Variants in UQCRC2 observed in about 807,000 individuals in gnomAD.
UQCRC2 encodes cytochrome b-c1 complex subunit 2, mitochondrial.
A neutral mutation model predicts 55.6 loss-of-function variants in UQCRC2; 49 were observed. The ratio of observed to expected loss-of-function variants is 0.88; its 90% CI spans 0.70 to 1.12. The LOEUF (loss-of-function observed/expected upper bound fraction) is 1.12. UQCRC2 is among the 50% of genes most tolerant of loss of function. The probability of loss-of-function intolerance (pLI) is 0.00; values close to 1 mark genes in which losing one functional copy is unlikely to be tolerated. For synonymous variants in UQCRC2, 193 were observed against 192.0 expected, an observed-to-expected ratio of 1.01 and a Z score of -0.04; for missense variants, 506 against 547.8, an observed-to-expected ratio of 0.92 and a Z score of 0.76.
At chr16:21,957,112 G>A in intron 1 of UQCRC2, 123 bp from the exon 2 acceptor site, 4 of 773,960 alleles carry the variant, frequency 5.2e-6, no homozygotes, top group Non-Finnish European at 8.2e-6. Context: ...CTCCCATGGA[G>A]GTGGTTATTG....
At chr16:21,973,543 G>A (rs1020755014) in intron 10 of UQCRC2, among the ~76,000 whole-genome samples, 1 of 152,184 alleles carries the variant, frequency 6.6e-6, no homozygotes, top group Non-Finnish European at 1.5e-5. Flanking sequence ...ACAGCAGAGA[G>A]AAGAAACCTG....
At chr16:21,955,597 C>T (rs748519690) in intron 1 of UQCRC2, among the ~76,000 whole-genome samples, 14 of 152,186 alleles carry the variant, frequency 9.2e-5, no homozygotes, top group Non-Finnish European at 2.1e-4. Flanking sequence ...GGTCCATTAT[C>T]TAATATTTAA....
chr16:21,976,636 T>C (rs563853762), intron 12 of UQCRC2: 2 of 162,574 alleles, frequency 1.2e-5, no homozygotes, highest in South Asian at 1.7e-4. Flanking sequence ...TACACTGGGG[T>C]TACGTCCTGA....
intron 3 of UQCRC2, among the ~76,000 whole-genome samples, chr16:21,957,817 C>T (rs912714836): frequency 6.6e-6 from 1 of 152,210 alleles, no homozygotes; most frequent in Admixed American, 6.5e-5. Context: ...TCTAGGAAGG[C>T]ACAAATCCTC....
intron 4 of UQCRC2, among the ~76,000 whole-genome samples, chr16:21,961,628 AT>A: frequency 3.5e-5 from 1 of 28,640 alleles, no homozygotes; most frequent in South Asian, 1.9e-3. Flanking sequence ...CATAAAATTT[AT>A]ATATATATAT....
At chr16:21,962,222 G>T (rs1036375902) in intron 4 of UQCRC2, 4 of 527,788 alleles carry the variant, frequency 7.6e-6, no homozygotes, top group Admixed American at 3.1e-5. Flanking sequence ...TGTCCTCAGG[G>T]TTCATCTGTG....
In UQCRC2 at chr16:21,962,825, G is replaced by GCTGA; in HGVS notation, c.456_459dup (p.Leu154Ter). 6.2e-7 allele frequency: 1 copy of GCTGA among 1,614,138 alleles called. No individual in the cohort carries two copies. The highest frequency in any genetic ancestry group is 8.5e-7 in the Non-Finnish European group (1 of 1,180,026). On this transcript the variant is annotated frameshift_variant, in exon 6 of 14. Transcript: ENST00000268379. LOFTEE classifies it high-confidence loss of function. ...ACCAGAATTTCGTCGTTGGGAAGTAGCTGACCTTCAGCCTCAGCTAAAGAT... is the reference window on the plus strand; with the variant it reads ...ACCAGAATTTCGTCGTTGGGAAGTAGCTGACTGACCTTCAGCCTCAGCTAAAGAT...
chr16:21,976,038 C>T, intron 11 of UQCRC2, 129 bp from the exon 12 acceptor site: 1 of 610,102 alleles, frequency 1.6e-6, no homozygotes. Context: ...CAGCATTCCG[C>T]ATGGACACTG....
At chr16:21,976,029 A>G in intron 11 of UQCRC2, 138 bp from the exon 12 acceptor site, 1 of 572,536 alleles carries the variant, frequency 1.7e-6, no homozygotes, top group Non-Finnish European at 3.1e-6. Flanking sequence ...TAGTGATGAC[A>G]GCATTCCGCA....
intron 10 of UQCRC2, 114 bp downstream of exon 10, chr16:21,972,236 C>T: frequency 7.5e-7 from 1 of 1,340,846 alleles, no homozygotes; most frequent in Non-Finnish European, 1.0e-6. Flanking sequence ...AATCTTTGTA[C>T]AATTGAAGAG....
chr16:21,969,565 G>A (rs1339315225), intron 8 of UQCRC2, among the ~76,000 whole-genome samples: 1 of 152,094 alleles, frequency 6.6e-6, no homozygotes, highest in Non-Finnish European at 1.5e-5. Flanking sequence ...TACACTCATA[G>A]ACCCAGTGAC....
At chr16:21,954,617 T>A (rs1898060618) in intron 1 of UQCRC2, among the ~76,000 whole-genome samples, 1 of 152,194 alleles carries the variant, frequency 6.6e-6, no homozygotes, top group Non-Finnish European at 1.5e-5. Flanking sequence ...TGAAAGCAAT[T>A]ATTTATGTGT....
chr16:21,965,720 C>T (rs946557248), intron 7 of UQCRC2, among the ~76,000 whole-genome samples: 3 of 152,094 alleles, frequency 2.0e-5, no homozygotes, highest in Non-Finnish European at 4.4e-5. Flanking sequence ...GGGACATGAT[C>T]ATTACAGAAA....
rs1898100932 is a variant in UQCRC2, at chr16:21,957,248, TCAAAGTTGCCCC to T, written c.55_66del (p.Ala19_Val22del). The T allele has an allele frequency of 6.2e-7, 1 of 1,613,742 alleles. No individual in the cohort carries two copies. ...TTTTATGTTTAGAGATTTTATTCCC[TCAAAGTTGCCCC>T]CAAAGTTAAAGCCACAGCTGCGCCT... On this transcript the variant is annotated inframe_deletion, in exon 2 of 14. Transcript: ENST00000268379.
intron 10 of UQCRC2, 95 bp from the exon 11 acceptor site, chr16:21,973,801 C>T (rs1038479960): frequency 9.0e-5 from 96 of 1,071,368 alleles, no homozygotes; most frequent in African/African-American, 7.7e-4. Context: ...TTGTTTATAC[C>T]GTGAAGGTCC....
chr16:21,953,600 G>A lies in UQCRC2; in HGVS notation c.33+144G>A, dbSNP rs528826738. On this transcript the variant is annotated intron_variant, in intron 1 of 13. Transcript: ENST00000268379. The stretch of plus-strand genomic sequence containing the variant: ...AACCCTGCGGGCCAAGTGGGCTGCA[G>A]ACTGGGTCAGGCTTTGGAGGCCCAG... 44 of 1,067,132 alleles carry A rather than the reference G, an allele frequency of 4.1e-5. 1 individual carries two copies. In the South Asian group the frequency reaches 6.6e-4, roughly 16 times the overall value. The allele number at this position is 1,067,132 out of a possible 1,614,324, so 66.1% of individuals were successfully genotyped here. A position where few individuals can be genotyped will look rare whatever the true frequency, so the allele number is the denominator to read the frequency against.
chr16:21,958,680 A>G (rs1898134126), intron 4 of UQCRC2, 81 bp downstream of exon 4: 1 of 1,241,274 alleles, frequency 8.1e-7, no homozygotes, highest in African/African-American at 1.5e-5. Context: ...GTTATCAAGG[A>G]GGTTGAGGAT....
chr16:21,957,706 C>A, intron 3 of UQCRC2, 140 bp downstream of exon 3: 1 of 1,264,672 alleles, frequency 7.9e-7, no homozygotes, highest in Non-Finnish European at 1.1e-6. Flanking sequence ...GTAGCTTAAA[C>A]CAAATAAGTT....
intron 12 of UQCRC2, 194 bp downstream of exon 12, chr16:21,976,437 A>C: frequency 2.1e-6 from 1 of 468,550 alleles, no homozygotes. Flanking sequence ...TGGCTCACTA[A>C]TCCCAGCACT....
Sources: allele counts gnomAD v4.1 joint callset (sites outside exome capture counted in the v4.1 genomes callset), GRCh38; gene constraint gnomAD v4.1.1; transcripts MANE v1.5; gene names NCBI Gene and HGNC (gene_info 2026-07-23, HGNC 2026-07-21).